SPOCK1: variants seen among roughly 807,000 people sequenced by gnomAD.
The protein encoded by SPOCK1 is testican-1.
In SPOCK1, 23 loss-of-function variants were observed where a neutral mutation model predicts 55.3. The observed-to-expected ratio is 0.42, with a 90% CI of 0.30 to 0.59. The LOEUF (loss-of-function observed/expected upper bound fraction) is 0.59. Among genes scored for constraint, SPOCK1 ranks in the 20% least tolerant of loss-of-function variants. SPOCK1 has a pLI of 0.22. For missense variants in SPOCK1, 499 were observed against 552.5 expected, an observed-to-expected ratio of 0.90 and a Z score of 0.97; for synonymous variants, 226 against 221.0, an observed-to-expected ratio of 1.02 and a Z score of -0.20.
chr5:137,385,744 A>G (rs570427245), intron 2 of SPOCK1, among the ~76,000 whole-genome samples: 1 of 152,264 alleles, frequency 6.6e-6, no homozygotes, highest in East Asian at 1.9e-4. Flanking sequence ...TTAATAAACC[A>G]ACCCATTCAT....
chr5:137,478,259 G>T (rs1753877837), intron 2 of SPOCK1, among the ~76,000 whole-genome samples: 1 of 152,096 alleles, frequency 6.6e-6, no homozygotes, highest in African/African-American at 2.4e-5. Flanking sequence ...CATAATAAAT[G>T]CCAGCTGTTA....
At chr5:137,328,699 T>C (rs946766515) in intron 2 of SPOCK1, among the ~76,000 whole-genome samples, 2 of 152,224 alleles carry the variant, frequency 1.3e-5, no homozygotes, top group Non-Finnish European at 2.9e-5. Context: ...CTATTCTCAT[T>C]CGCACTTTCC....
chr5:137,228,330 C>A (rs773266100), intron 3 of SPOCK1, among the ~76,000 whole-genome samples: 1 of 152,148 alleles, frequency 6.6e-6, no homozygotes, highest in Non-Finnish European at 1.5e-5. Flanking sequence ...CAGGACCCAC[C>A]CAATATGAGA....
At chr5:137,396,426 A>G (rs184452107) in intron 2 of SPOCK1, among the ~76,000 whole-genome samples, 13 of 152,358 alleles carry the variant, frequency 8.5e-5, no homozygotes, top group African/African-American at 3.1e-4. Flanking sequence ...ATCCTTTAAA[A>G]CTAAGTTAGG....
At chr5:137,094,719 A>C (rs970054566) in intron 5 of SPOCK1, among the ~76,000 whole-genome samples, 32 of 152,246 alleles carry the variant, frequency 2.1e-4, no homozygotes, top group Non-Finnish European at 1.8e-4. Flanking sequence ...CCTGAAAATA[A>C]GACAATAAAG....
At chr5:137,042,925 G>A (rs535575254) in intron 6 of SPOCK1, among the ~76,000 whole-genome samples, 4 of 152,198 alleles carry the variant, frequency 2.6e-5, no homozygotes, top group African/African-American at 9.6e-5. Context: ...TCAAATGAGA[G>A]TGCAGAACAA....
chr5:137,492,502 T>C (rs1754206243), intron 2 of SPOCK1, among the ~76,000 whole-genome samples: 1 of 152,214 alleles, frequency 6.6e-6, no homozygotes, highest in South Asian at 2.1e-4. Flanking sequence ...CACAGCTTCT[T>C]AGAATTTTTT....
At chr5:137,239,505 G>C (rs1247455696) in intron 3 of SPOCK1, among the ~76,000 whole-genome samples, 2 of 152,212 alleles carry the variant, frequency 1.3e-5, no homozygotes, top group African/African-American at 4.8e-5. Flanking sequence ...CCAGTCATCA[G>C]AGGTATGGGA....
intron 2 of SPOCK1, among the ~76,000 whole-genome samples, chr5:137,286,155 T>G (rs1757262027): frequency 6.6e-6 from 1 of 152,154 alleles, no homozygotes; most frequent in South Asian, 2.1e-4. Context: ...GGAACCTGCT[T>G]GAGTTCACAC....
At chr5:137,466,600 ATC>A (rs1449234505) in intron 2 of SPOCK1, among the ~76,000 whole-genome samples, 4 of 152,152 alleles carry the variant, frequency 2.6e-5, no homozygotes, top group African/African-American at 9.7e-5. Context: ...AAGTTATTCA[ATC>A]TCTCTTTGCC....
intron 2 of SPOCK1, among the ~76,000 whole-genome samples, chr5:137,492,461 C>T (rs1754204544): frequency 6.6e-6 from 1 of 152,196 alleles, no homozygotes; most frequent in Non-Finnish European, 1.5e-5. Flanking sequence ...TATGATGTAA[C>T]TTGACCCCTG....
chr5:137,450,967 G>A (rs1753243343), intron 2 of SPOCK1, among the ~76,000 whole-genome samples: 1 of 152,030 alleles, frequency 6.6e-6, no homozygotes, highest in African/African-American at 2.4e-5. Flanking sequence ...CCCATGCCAG[G>A]CAAATTTCAC....
chr5:137,396,535 A>G (rs1751852152), intron 2 of SPOCK1, among the ~76,000 whole-genome samples: 1 of 152,322 alleles, frequency 6.6e-6, no homozygotes, highest in African/African-American at 2.4e-5. Context: ...TCTAGGAAGC[A>G]CTGGATTAGG....
intron 2 of SPOCK1, among the ~76,000 whole-genome samples, chr5:137,424,464 T>C (rs1752565808): frequency 6.6e-6 from 1 of 152,212 alleles, no homozygotes; most frequent in Non-Finnish European, 1.5e-5. Context: ...TCTATAAATA[T>C]GACCCAGCAA....
intron 3 of SPOCK1, among the ~76,000 whole-genome samples, chr5:137,216,834 T>C (rs149129828): frequency 1.8e-3 from 268 of 152,322 alleles, no homozygotes; most frequent in African/African-American, 5.9e-3. Context: ...TGTGAAACCA[T>C]CACTCGGAAA....
At chr5:137,418,103 C>T (rs1276963973) in intron 2 of SPOCK1, among the ~76,000 whole-genome samples, 3 of 152,144 alleles carry the variant, frequency 2.0e-5, no homozygotes, top group Non-Finnish European at 4.4e-5. Context: ...CGGCTTCCAG[C>T]TTCATCCATG....
chr5:137,199,611 T>C (rs1755375575), intron 3 of SPOCK1, among the ~76,000 whole-genome samples: 1 of 152,152 alleles, frequency 6.6e-6, no homozygotes, highest in Non-Finnish European at 1.5e-5. Context: ...CACCACATTC[T>C]CATGAGTTTC....
At chr5:137,079,545 C>G (rs867297313) in intron 5 of SPOCK1, among the ~76,000 whole-genome samples, 1 of 148,678 alleles carries the variant, frequency 6.7e-6, no homozygotes, top group Admixed American at 6.6e-5. Flanking sequence ...CCCCCCCCCC[C>G]GACTTAGTGA....
At chr5:137,478,122 G>C (rs2974499) in intron 2 of SPOCK1, among the ~76,000 whole-genome samples, 48,465 of 151,990 alleles carry the variant, frequency 0.32, 8,540 homozygotes, top group South Asian at 0.47. Context: ...AAGATTAAAC[G>C]GGCTATGTGT....
Sources: allele counts gnomAD v4.1 joint callset (sites outside exome capture counted in the v4.1 genomes callset), GRCh38; gene constraint gnomAD v4.1.1; transcripts MANE v1.5; gene names NCBI Gene and HGNC (gene_info 2026-07-23, HGNC 2026-07-21).